Variants in DOCK3 observed in about 807,000 individuals in gnomAD.
DOCK3 encodes the protein dedicator of cytokinesis 3.
Under a neutral mutation model 265.6 loss-of-function variants are expected in DOCK3, and 60 were observed. The ratio of observed to expected loss-of-function variants is 0.23; its 90% CI spans 0.18 to 0.28. The LOEUF (loss-of-function observed/expected upper bound fraction) is 0.28. Among genes scored for constraint, DOCK3 ranks in the 10% least tolerant of loss-of-function variants. The probability of loss-of-function intolerance (pLI) is 1.00; values close to 1 mark genes in which losing one functional copy is unlikely to be tolerated. For synonymous variants in DOCK3, 881 were observed against 938.0 expected (o/e 0.94, Z 1.11); for missense variants, 1,981 against 2,594.3 (o/e 0.76, Z 5.14).
At chr3:51,028,677 G>A (rs556785191) in intron 5 of DOCK3, among the ~76,000 whole-genome samples, 2 of 152,056 alleles carry the variant, frequency 1.3e-5, no homozygotes. Context: ...TCTTCAAGCT[G>A]TGAAATTCTT....
intron 2 of DOCK3, among the ~76,000 whole-genome samples, chr3:50,794,628 A>G (rs1343467472): frequency 6.6e-6 from 1 of 152,108 alleles, no homozygotes; most frequent in Non-Finnish European, 1.5e-5. Flanking sequence ...GGGTGTTTGC[A>G]TGTGACATGG....
chr3:50,702,491 G>A (rs2036109283), intron 1 of DOCK3, among the ~76,000 whole-genome samples: 1 of 152,084 alleles, frequency 6.6e-6, no homozygotes, highest in Admixed American at 6.6e-5. Context: ...AGCCTCCCGA[G>A]TAGCTTGGAT....
chr3:51,056,100 G>C (rs958773064), intron 5 of DOCK3, among the ~76,000 whole-genome samples: 3 of 152,148 alleles, frequency 2.0e-5, no homozygotes, highest in Non-Finnish European at 4.4e-5. Flanking sequence ...ATATGTGCTT[G>C]AAAATCAGTG....
At chr3:51,348,806 A>G (rs1374218060) in intron 38 of DOCK3, 46 bp from the exon 39 acceptor site, 3 of 1,529,182 alleles carry the variant, frequency 2.0e-6, no homozygotes, top group Non-Finnish European at 2.7e-6. Context: ...GGCTTAGGCT[A>G]TTCTGAAGAT....
chr3:50,711,386 C>T (rs183787477), intron 1 of DOCK3, among the ~76,000 whole-genome samples: 10 of 151,628 alleles, frequency 6.6e-5, no homozygotes, highest in African/African-American at 1.5e-4. Context: ...CTCAGCCTCC[C>T]GAGTAGCTGG....
chr3:51,307,600 C>G (rs757296476), intron 27 of DOCK3, among the ~76,000 whole-genome samples: 11 of 152,062 alleles, frequency 7.2e-5, no homozygotes, highest in Non-Finnish European at 1.2e-4. Context: ...TGCTCCAGCA[C>G]TTTTCAGTTC....
intron 5 of DOCK3, among the ~76,000 whole-genome samples, chr3:50,985,902 C>T (rs1205154511): frequency 1.3e-5 from 2 of 151,766 alleles, no homozygotes; most frequent in Non-Finnish European, 1.5e-5. Context: ...CCATGTGACC[C>T]TCTTCTAAGA....
chr3:51,064,982 A>G (rs978759302), intron 6 of DOCK3, among the ~76,000 whole-genome samples: 1 of 152,188 alleles, frequency 6.6e-6, no homozygotes, highest in Non-Finnish European at 1.5e-5. Context: ...TTATAGCCAT[A>G]CAATGAATCT....
At position 50,853,503 on chromosome 3, in the gene DOCK3, C is replaced by T. The variant is rs1451730738; in HGVS notation, c.162+11788C>T. 3.3e-5 allele frequency among the ~76,000 whole-genome samples: 5 copies of T among 152,138 alleles called. No individual in the cohort carries two copies. The East Asian group carries it at 5.8e-4, about 18-fold the overall frequency. On this transcript the variant is annotated intron_variant, in intron 3 of 52. Transcript: ENST00000266037. ...TGGAGTCCCCATTGTCCACTGTTTTCCATCTTCATGTTACGTGTACTCATT... is the reference window on the plus strand; with the variant it reads ...TGGAGTCCCCATTGTCCACTGTTTTTCATCTTCATGTTACGTGTACTCATT...
intron 49 of DOCK3, 99 bp downstream of exon 49, chr3:51,362,773 T>C (rs960535441): frequency 6.1e-6 from 9 of 1,472,138 alleles, no homozygotes; most frequent in African/African-American, 1.4e-5. Context: ...TGAGCAGCCC[T>C]GTGACTTAGA....
chr3:51,126,643 T>A (rs1447295402), intron 9 of DOCK3, among the ~76,000 whole-genome samples: 2 of 152,164 alleles, frequency 1.3e-5, no homozygotes, highest in African/African-American at 4.8e-5. Context: ...TCTACATGCT[T>A]GTTATTGTTA....
chr3:51,019,266 A>G (rs1362096210), intron 5 of DOCK3, among the ~76,000 whole-genome samples: 3 of 151,878 alleles, frequency 2.0e-5, no homozygotes, highest in East Asian at 1.9e-4. Flanking sequence ...ATTCAGATCT[A>G]ATATACATCT....
intron 12 of DOCK3, among the ~76,000 whole-genome samples, chr3:51,181,894 G>A (rs1445548726): frequency 6.6e-6 from 1 of 152,148 alleles, no homozygotes; most frequent in East Asian, 1.9e-4. Context: ...ATTGGGATGG[G>A]GCCCAACAAT....
intron 12 of DOCK3, among the ~76,000 whole-genome samples, chr3:51,176,318 A>C (rs2086948607): frequency 6.6e-6 from 1 of 152,134 alleles, no homozygotes; most frequent in African/African-American, 2.4e-5. Flanking sequence ...AAAGAATGGC[A>C]TGAAAGAATG....
intron 38 of DOCK3, among the ~76,000 whole-genome samples, chr3:51,344,652 G>GT (rs1409901420): frequency 1.3e-5 from 2 of 152,186 alleles, no homozygotes; most frequent in Non-Finnish European, 2.9e-5. Flanking sequence ...GCAGGAGCTG[G>GT]TAGAAGTGAC....
In DOCK3 at chr3:50,925,824, C is replaced by CTTTTTTTTTTTT. The variant is rs368819970; in HGVS notation, c.219-8144_219-8133dup. Among the ~76,000 whole-genome samples, 46 of 88,424 alleles carry CTTTTTTTTTTTT rather than the reference C, an allele frequency of 5.2e-4. 4 individuals carry two copies. The highest frequency in any genetic ancestry group is 2.3e-3 in the African/African-American group (45 of 19,400). The allele number at this position is 88,424 out of a possible 152,430, so 58.0% of individuals were successfully genotyped here. A position where few individuals can be genotyped will look rare whatever the true frequency, so the allele number is the denominator to read the frequency against. On this transcript the variant is annotated intron_variant, in intron 4 of 52. Coordinates refer to ENST00000266037, the MANE Select transcript of DOCK3 (RefSeq NM_004947.5). ...TCAGCAGCTACTAGGTAAAACTAGT[C>CTTTTTTTTTTTT]TTTTTTTTTTTTTTTTTTTTTTTTG...
chr3:50,968,560 T>G (rs1281936721), intron 5 of DOCK3, among the ~76,000 whole-genome samples: 1 of 151,374 alleles, frequency 6.6e-6, no homozygotes, highest in African/African-American at 2.4e-5. Context: ...TCAATTTTTT[T>G]TTTTTTTTGA....
At chr3:51,263,367 T>C (rs1406304171) in intron 23 of DOCK3, among the ~76,000 whole-genome samples, 3 of 152,110 alleles carry the variant, frequency 2.0e-5, no homozygotes, top group African/African-American at 7.3e-5. Context: ...GACAAGCAAA[T>C]GCTGAGAGAT....
At chr3:51,219,170 A>G (rs966688818) in intron 14 of DOCK3, among the ~76,000 whole-genome samples, 1 of 152,130 alleles carries the variant, frequency 6.6e-6, no homozygotes, top group Non-Finnish European at 1.5e-5. Flanking sequence ...ATGTTTCATC[A>G]CTGACCTTCA....
Sources: gnomAD v4.1 joint callset for allele counts (sites outside exome capture counted in the v4.1 genomes callset) on GRCh38, gnomAD v4.1.1 for gene constraint, MANE v1.5 for transcripts, NCBI Gene and HGNC (gene_info 2026-07-23, HGNC 2026-07-21) for gene names.